Variants in PARD3B observed in about 807,000 individuals in gnomAD.
The protein encoded by PARD3B is partitioning defective 3 homolog B.
A neutral mutation model predicts 130.2 loss-of-function variants in PARD3B; 103 were observed. The observed-to-expected ratio is 0.79, with a 90% confidence interval of 0.67 to 0.93. The LOEUF is 0.93. PARD3B is among the 40% of genes least tolerant of loss of function. The pLI is 0.00. For synonymous variants in PARD3B, 583 were observed against 553.2 expected, an observed-to-expected ratio of 1.05 and a Z score of -0.76; for missense variants, 1,609 against 1,499.2, an observed-to-expected ratio of 1.07 and a Z score of -1.21.
intron 21 of PARD3B, among the ~76,000 whole-genome samples, chr2:205,522,630 G>T (rs1029572908): frequency 6.6e-6 from 1 of 152,096 alleles, no homozygotes; most frequent in African/African-American, 2.4e-5. Flanking sequence ...ATAGCAAAGA[G>T]CACAACAGAC....
At position 204,547,092 on chromosome 2, in the gene PARD3B, C is replaced by T. The variant is rs552656132; in HGVS notation, c.120+973C>T. Among the ~76,000 whole-genome samples, 4 of 152,280 alleles carry T rather than the reference C, an allele frequency of 2.6e-5. No homozygotes were observed. The East Asian group carries it at 5.8e-4, about 22-fold the overall frequency. On this transcript the variant is annotated intron_variant, in intron 1 of 22. Coordinates refer to ENST00000406610, the MANE Select transcript of PARD3B (RefSeq NM_001302769.2). Reference sequence around the variant, plus strand: ...CAATGGTTCTCTTAATATTTGGTCTCGTGCCATGTGACTAAAATAGTGGGT... The same window carrying T: ...CAATGGTTCTCTTAATATTTGGTCTTGTGCCATGTGACTAAAATAGTGGGT...
intron 2 of PARD3B, among the ~76,000 whole-genome samples, chr2:204,765,356 G>A (rs145057520): frequency 1.3e-5 from 2 of 152,242 alleles, no homozygotes; most frequent in East Asian, 1.9e-4. Context: ...TCTAAAATTG[G>A]AGAACCACTC....
chr2:205,399,993 A>C (rs2046191570), intron 18 of PARD3B, among the ~76,000 whole-genome samples: 1 of 152,076 alleles, frequency 6.6e-6, no homozygotes, highest in Non-Finnish European at 1.5e-5. Flanking sequence ...CACCTCTCAG[A>C]GCTTTTGGTT....
intron 14 of PARD3B, among the ~76,000 whole-genome samples, chr2:205,190,389 A>C (rs1392166373): frequency 5.3e-5 from 8 of 152,204 alleles, no homozygotes; most frequent in African/African-American, 1.9e-4. Context: ...GGAGGCTTTC[A>C]CTGCTTTGAT....
At chr2:205,080,089 T>C (rs1452114626) in intron 4 of PARD3B, among the ~76,000 whole-genome samples, 1 of 152,112 alleles carries the variant, frequency 6.6e-6, no homozygotes, top group Non-Finnish European at 1.5e-5. Flanking sequence ...AAAAGTAAAA[T>C]GAAAACTCAG....
intron 2 of PARD3B, among the ~76,000 whole-genome samples, chr2:204,759,497 A>G (rs1370149257): frequency 1.3e-5 from 2 of 152,088 alleles, no homozygotes; most frequent in Admixed American, 6.6e-5. Context: ...CTTTAAAATT[A>G]TTTGATATAT....
At chr2:204,674,547 G>A (rs1177777713) in intron 1 of PARD3B, among the ~76,000 whole-genome samples, 2 of 151,930 alleles carry the variant, frequency 1.3e-5, no homozygotes, top group Non-Finnish European at 2.9e-5. Flanking sequence ...TTGGCGGGAG[G>A]TAGGTGGTTG....
At chr2:204,771,457 A>G (rs1284382349) in intron 2 of PARD3B, among the ~76,000 whole-genome samples, 2 of 152,072 alleles carry the variant, frequency 1.3e-5, no homozygotes, top group Admixed American at 1.3e-4. Context: ...TTGTCATAGC[A>G]CCATTTAAAA....
rs1419298258 is a variant in PARD3B, at chr2:205,407,820, T to G, written c.2741+6697T>G. 1.3e-5 allele frequency among the ~76,000 whole-genome samples: 2 copies of G among 152,168 alleles called. No individual in the cohort carries two copies. Among genetic ancestry groups the G allele is most frequent in the African/African-American group, 4.8e-5 (2 of 41,446 alleles). On this transcript the variant is annotated intron_variant, in intron 19 of 22. Transcript: ENST00000406610. This position sits in a 1 kb window ranked among gnomAD's most constrained non-coding sequence, Gnocchi z 4.1. ...TTTCTCCTAAAATTGAAAAAAAAAT[T>G]TTAATAACATGAGTTATATACTCCA...
At chr2:204,854,534 G>A (rs549970811) in intron 2 of PARD3B, among the ~76,000 whole-genome samples, 14 of 152,134 alleles carry the variant, frequency 9.2e-5, no homozygotes, top group Non-Finnish European at 1.9e-4. Flanking sequence ...AGAAAGTGGT[G>A]AAATGTTCTA....
intron 3 of PARD3B, among the ~76,000 whole-genome samples, chr2:205,005,429 C>T (rs1207785684): frequency 1.3e-5 from 2 of 151,986 alleles, no homozygotes; most frequent in Non-Finnish European, 2.9e-5. Context: ...CACAAGTTTT[C>T]TATTTAAAAA....
intron 2 of PARD3B, among the ~76,000 whole-genome samples, chr2:204,708,526 C>A (rs2038288152): frequency 6.6e-6 from 1 of 152,224 alleles, no homozygotes; most frequent in South Asian, 2.1e-4. Context: ...TTGATCAAAT[C>A]CTGATAATAG....
intron 2 of PARD3B, among the ~76,000 whole-genome samples, chr2:204,711,782 A>G (rs2038448823): frequency 6.6e-6 from 1 of 152,118 alleles, no homozygotes; most frequent in African/African-American, 2.4e-5. Context: ...TCCTGACTTC[A>G]ATTGATCTAC....
At chr2:205,161,638 T>G (rs1419696799) in intron 11 of PARD3B, among the ~76,000 whole-genome samples, 1 of 152,222 alleles carries the variant, frequency 6.6e-6, no homozygotes, top group African/African-American at 2.4e-5. Flanking sequence ...TTTGAGACTT[T>G]GTTCCTGTCC....
At chr2:204,555,699 T>C (rs977157959) in intron 1 of PARD3B, among the ~76,000 whole-genome samples, 2 of 152,214 alleles carry the variant, frequency 1.3e-5, no homozygotes, top group African/African-American at 4.8e-5. Flanking sequence ...CACAGCTGTC[T>C]GTTCTCCTGT....
At chr2:205,581,387 A>ATATATATAAAAG (rs1466805985) in intron 22 of PARD3B, among the ~76,000 whole-genome samples, 1 of 80,588 alleles carries the variant, frequency 1.2e-5, no homozygotes, top group African/African-American at 3.9e-5. Context: ...GTATATATAA[A>ATATATATAAAAG]TATATATAAA....
intron 2 of PARD3B, among the ~76,000 whole-genome samples, chr2:204,918,102 A>G (rs1559257707): frequency 6.6e-6 from 1 of 152,222 alleles, no homozygotes; most frequent in Non-Finnish European, 1.5e-5. Context: ...GACAGTTTTT[A>G]TGGAATGAAG....
chr2:205,214,694 T>C (rs998469290), intron 15 of PARD3B, among the ~76,000 whole-genome samples: 1 of 152,080 alleles, frequency 6.6e-6, no homozygotes, highest in African/African-American at 2.4e-5. Context: ...TGTCACCTCA[T>C]ATGCTAAGAC....
intron 22 of PARD3B, among the ~76,000 whole-genome samples, chr2:205,553,924 T>C (rs1038964466): frequency 6.6e-6 from 1 of 152,190 alleles, no homozygotes; most frequent in Non-Finnish European, 1.5e-5. Context: ...AAGAAACAAC[T>C]GCATGGGAAA....
Sources: allele counts gnomAD v4.1 joint callset (sites outside exome capture counted in the v4.1 genomes callset), GRCh38; gene constraint gnomAD v4.1.1; non-coding constraint Gnocchi (gnomAD v3.1); transcripts MANE v1.5; gene names NCBI Gene and HGNC (gene_info 2026-07-23, HGNC 2026-07-21).